Variants in HP1BP3 observed in about 807,000 individuals in gnomAD.
The protein encoded by HP1BP3 is heterochromatin protein 1 binding protein 3.
A neutral mutation model predicts 62.5 loss-of-function variants in HP1BP3; 12 were observed. The observed-to-expected ratio is 0.19, with a 90% CI of 0.12 to 0.31. The LOEUF is 0.31. Among genes scored for constraint, HP1BP3 ranks in the 10% least tolerant of loss-of-function variants. HP1BP3 has a pLI of 1.00. For missense variants in HP1BP3, 502 were observed against 651.8 expected (o/e 0.77, Z 2.50); for synonymous variants, 260 against 237.8 (o/e 1.09, Z -0.86).
intron 9 of HP1BP3, among the ~76,000 whole-genome samples, chr1:20,753,144 T>C (rs913820611): frequency 2.0e-5 from 3 of 152,204 alleles, no homozygotes; most frequent in Non-Finnish European, 4.4e-5. Context: ...GGTTTCACCA[T>C]GTTAGCCAGG....
rs186062476 is a variant in HP1BP3, at chr1:20,773,188, G to C, written c.510+263C>G. 7.0e-4 allele frequency among the ~76,000 whole-genome samples: 107 copies of C among 152,172 alleles called. 1 individual carries two copies. In the East Asian group the frequency reaches 0.015, roughly 22 times the overall value. On this transcript the variant is annotated intron_variant, in intron 5 of 12. Transcript: ENST00000438032. Reference sequence around the variant, plus strand: ...CATTTTCAGCCTTCAAATAAAAACTGTACTTAATCGATAAACTGCATTTAA... The same window carrying C: ...CATTTTCAGCCTTCAAATAAAAACTCTACTTAATCGATAAACTGCATTTAA...
At chr1:20,786,796 A>C (rs2057860290) in intron 1 of HP1BP3, 1 of 152,028 alleles carries the variant, frequency 6.6e-6, no homozygotes, top group Non-Finnish European at 1.5e-5. Context: ...CGGACGCCGG[A>C]CCGCGGCGGG....
chr1:20,746,260 T>C (rs2055328310), intron 11 of HP1BP3, among the ~76,000 whole-genome samples: 1 of 150,784 alleles, frequency 6.6e-6, no homozygotes, highest in Non-Finnish European at 1.5e-5. Context: ...GGTCTTGCTA[T>C]GCTGCCCAGG....
At chr1:20,756,722 TTTTG>T (rs1448273898) in intron 9 of HP1BP3, among the ~76,000 whole-genome samples, 1 of 151,706 alleles carries the variant, frequency 6.6e-6, no homozygotes, top group Non-Finnish European at 1.5e-5. Context: ...CTTTGTGTTT[TTTTG>T]TTTGTTTGAG....
Position 20,777,846 on chromosome 1 carries a change from T to C in HP1BP3, c.197-1096A>G, listed in dbSNP as rs1245296371. On this transcript the variant is annotated intron_variant, in intron 3 of 12. Transcript: ENST00000438032. ...ACTTATACTAAGCGAGTGATTTCCA[T>C]CCTCCTTTGGAATTCTCTGCTTCTA... Among the ~76,000 whole-genome samples, 10 of 152,380 alleles carry C rather than the reference T, an allele frequency of 6.6e-5. No homozygotes were observed. In the South Asian group the frequency reaches 1.4e-3, roughly 22 times the overall value.
intron 1 of HP1BP3, among the ~76,000 whole-genome samples, chr1:20,783,559 AT>A (rs2057673040): frequency 6.6e-6 from 1 of 151,848 alleles, no homozygotes; most frequent in South Asian, 2.1e-4. Context: ...AACAAAAAAA[AT>A]AGAGATGTTA....
intron 3 of HP1BP3, among the ~76,000 whole-genome samples, chr1:20,777,894 G>C (rs1023048129): frequency 1.3e-5 from 2 of 152,174 alleles, no homozygotes; most frequent in Non-Finnish European, 2.9e-5. Flanking sequence ...ATATGCTTAG[G>C]ATGACAAAGT....
chr1:20,784,772 G>A (rs1241231632), intron 1 of HP1BP3, among the ~76,000 whole-genome samples: 3 of 151,986 alleles, frequency 2.0e-5, no homozygotes, highest in Non-Finnish European at 4.4e-5. Context: ...CACCGTGCCC[G>A]GCCTATTCAT....
At chr1:20,782,017 T>G (rs1415098957) in intron 1 of HP1BP3, among the ~76,000 whole-genome samples, 1 of 152,248 alleles carries the variant, frequency 6.6e-6, no homozygotes, top group African/African-American at 2.4e-5. Context: ...CACAATCAGG[T>G]TATCCTTAGT....
intron 4 of HP1BP3, chr1:20,775,887 TA>T (rs2057281916): frequency 7.2e-7 from 1 of 1,397,198 alleles, no homozygotes; most frequent in African/African-American, 1.5e-5. Flanking sequence ...TGAAATCGCC[TA>T]AAGATGTATC....
intron 1 of HP1BP3, chr1:20,786,416 G>GAA (rs879871002): frequency 0.02 from 3,039 of 152,456 alleles, 27 homozygotes; most frequent in Non-Finnish European, 0.024. Flanking sequence ...AAGAGCAGCG[G>GAA]AGACAAAGCA....
Position 20,763,911 on chromosome 1 carries a change from A to G in HP1BP3, c.890+1466T>C, listed in dbSNP as rs555068472. On this transcript the variant is annotated intron_variant, in intron 8 of 12. Coordinates refer to ENST00000438032, the MANE Select transcript of HP1BP3 (RefSeq NM_001372052.1). ...ATATGTATGCATATATCTATCATAT[A>G]TATGTTTTTTGAGACTGAGTCTCAC... is the stretch of plus-strand genomic sequence containing the variant. 2.6e-5 allele frequency among the ~76,000 whole-genome samples: 4 copies of G among 152,280 alleles called. No individual in the cohort carries two copies. In the East Asian group the frequency reaches 5.8e-4, roughly 22 times the overall value.
In HP1BP3 at chr1:20,787,265, C is replaced by A; in HGVS notation, c.-171G>T. 6.6e-6 allele frequency: 1 copy of A among 152,088 alleles called. No individual in the cohort carries two copies. Among genetic ancestry groups the A allele is most frequent in the South Asian group, 1.8e-4 (1 of 5,462 alleles). 9.4% of individuals were successfully genotyped at this position (152,088 alleles called of 1,614,324 possible). ...CGGCGCCGCTCCCGCCGCCGCTAGT[C>A]GCCTCCGCCACCGCTGTCCTCCAGT... On this transcript the variant is annotated 5_prime_UTR_variant, in exon 1 of 13. Transcript: ENST00000438032.
chr1:20,755,336 G>C (rs1211797391), intron 9 of HP1BP3: 2 of 451,554 alleles, frequency 4.4e-6, no homozygotes, highest in East Asian at 1.4e-4. Context: ...GGGAAGCTGA[G>C]GCAGGCAGAC....
chr1:20,776,203 C>A (rs1374624554), intron 4 of HP1BP3: 1 of 480,366 alleles, frequency 2.1e-6, no homozygotes, highest in African/African-American at 2.0e-5. Flanking sequence ...CATAAGCACA[C>A]AAAAACAACC....
At chr1:20,755,671 C>T (rs997597380) in intron 9 of HP1BP3, among the ~76,000 whole-genome samples, 7 of 152,112 alleles carry the variant, frequency 4.6e-5, no homozygotes, top group Non-Finnish European at 5.9e-5. Flanking sequence ...AACATATCCA[C>T]GCAGACTTGA....
Position 20,741,708 on chromosome 1 carries a change from G to A in HP1BP3, c.*3089C>T, listed in dbSNP as rs975534850. On this transcript the variant is annotated 3_prime_UTR_variant, in exon 13 of 13. Transcript: ENST00000438032. ...CAATCTCTCTCCCAGCACTTTCTGA[G>A]ACTCATTTATCAAAGGTAGCTTGTA... 5.3e-5 allele frequency among the ~76,000 whole-genome samples: 8 copies of A among 152,152 alleles called. No individual in the cohort carries two copies. Among genetic ancestry groups the A allele is most frequent in the Admixed American group, 5.2e-4 (8 of 15,274 alleles).
At chr1:20,763,982 G>A (rs928590714) in intron 8 of HP1BP3, among the ~76,000 whole-genome samples, 3 of 151,850 alleles carry the variant, frequency 2.0e-5, no homozygotes, top group Non-Finnish European at 2.9e-5. Context: ...GTGAGCCACC[G>A]TGCCCAGCCT....
chr1:20,751,536 G>T (rs1438545174), intron 9 of HP1BP3, among the ~76,000 whole-genome samples: 3 of 151,794 alleles, frequency 2.0e-5, no homozygotes, highest in Admixed American at 1.3e-4. Flanking sequence ...ACCAACCTCG[G>T]CAACATAGTG....
Sources: allele counts gnomAD v4.1 joint callset (sites outside exome capture counted in the v4.1 genomes callset), GRCh38; gene constraint gnomAD v4.1.1; transcripts MANE v1.5; gene names NCBI Gene and HGNC (gene_info 2026-07-23, HGNC 2026-07-21).